Variants in C3orf80 observed in about 807,000 individuals in gnomAD.
C3orf80 encodes chromosome 3 open reading frame 80, also known as uncharacterized membrane protein C3orf80.
A neutral mutation model predicts 15.8 loss-of-function variants in C3orf80; 10 were observed. The observed-to-expected ratio is 0.63, with a 90% confidence interval of 0.39 to 1.07. The LOEUF (loss-of-function observed/expected upper bound fraction) is 1.07. Ranked by LOEUF, C3orf80 falls within the 50% of genes least tolerant of loss-of-function variation. The pLI is 0.01. For synonymous variants in C3orf80, 183 were observed against 192.0 expected, an observed-to-expected ratio of 0.95 and a Z score of 0.39; for missense variants, 364 against 379.3, an observed-to-expected ratio of 0.96 and a Z score of 0.34.
chr3:160,225,678 C>G lies in C3orf80; in HGVS notation c.43C>G (p.Pro15Ala). ...CACTGCTGAGGGCCTGTCGGTGGCT[C>G]CGGCGCCGCCGCCTCTGCTGCCGCT... ...GVTAEGLSVA[P>A]APPPLLPLLL... Residue 15 changes from proline to alanine, a missense_variant, in exon 1 of 1, where the codon CCG becomes GCG. Coordinates refer to ENST00000326474, the MANE Select transcript of C3orf80 (RefSeq NM_001168214.2). This position sits in a 1 kb window ranked among gnomAD's most constrained non-coding sequence, Gnocchi z 5.6. 7.2e-7 allele frequency: 1 copy of G among 1,395,186 alleles called. No homozygotes were observed. Among genetic ancestry groups the G allele is most frequent in the Non-Finnish European group, 9.3e-7 (1 of 1,080,188 alleles). 86.4% of individuals were successfully genotyped at this position (1,395,186 alleles called of 1,614,324 possible).
Position 160,226,661 on chromosome 3 carries a change from T to C in C3orf80, c.*282T>C. The C allele has an allele frequency of 2.6e-6, 1 of 388,416 alleles. No homozygotes were observed. Among genetic ancestry groups the C allele is most frequent in the South Asian group, 8.2e-5 (1 of 12,260 alleles). The allele number at this position is 388,416 out of a possible 1,614,324, so 24.1% of individuals were successfully genotyped here. On this transcript the variant is annotated 3_prime_UTR_variant, in exon 1 of 1. Transcript: ENST00000326474. This position sits in a 1 kb window ranked among gnomAD's most constrained non-coding sequence, Gnocchi z 5.2. ...CGAAGGACGTCCCTGCCCTCTGCCT[T>C]GCCTCGTATTGTGGTTCACTAGTAA...
chr3:160,225,507 A>T lies in C3orf80; in HGVS notation c.-129A>T. ...GCCAAGTGAGGACTGCTCCGGCCGCAGGTAGCTGAGGCGCGGGAGGCGGCG... is the reference window on the plus strand; with the variant it reads ...GCCAAGTGAGGACTGCTCCGGCCGCTGGTAGCTGAGGCGCGGGAGGCGGCG... On this transcript the variant is annotated 5_prime_UTR_variant, in exon 1 of 1. Transcript: ENST00000326474. This position sits in a 1 kb window ranked among gnomAD's most constrained non-coding sequence, Gnocchi z 5.6. 1 of 891,586 alleles carries T rather than the reference A, an allele frequency of 1.1e-6. No individual in the cohort carries two copies. The highest frequency in any genetic ancestry group is 1.5e-6 in the Non-Finnish European group (1 of 678,258). The allele number at this position is 891,586 out of a possible 1,614,324, so 55.2% of individuals were successfully genotyped here.
rs751410853 is a variant in C3orf80, at chr3:160,226,232, C to G, written c.597C>G (p.Val199=). The change falls in exon 1 of 1, where the codon GTC becomes GTG. Residue 199 remains valine (V), a synonymous_variant. Transcript: ENST00000326474. This position sits in a 1 kb window ranked among gnomAD's most constrained non-coding sequence, Gnocchi z 5.2. ...TGCAGCTGCCCAGCTACGAGGAGGT[C>G]AAGTATCTGCCCACCTACGAGGAGT... ...VFLQLPSYEE[V]KYLPTYEESM... The G allele has an allele frequency of 6.5e-7, 1 of 1,531,462 alleles. No individual in the cohort carries two copies. The highest frequency in any genetic ancestry group is 1.2e-5 in the South Asian group (1 of 83,542). 94.9% of individuals were successfully genotyped at this position (1,531,462 alleles called of 1,614,324 possible).
Position 160,225,746 on chromosome 3 carries a change from C to T in C3orf80, c.111C>T (p.Gly37=). ...LALALVAPSR[G]GGGCAELACG... ...TGGCGCTGGTGGCGCCCTCGCGGGG[C>T]GGCGGGGGCTGCGCTGAGCTGGCGT... The change falls in exon 1 of 1, where the codon GGC becomes GGT. Residue 37 remains glycine (G), a synonymous_variant. Transcript: ENST00000326474. The surrounding 1 kb of genome is among the most constrained non-coding windows in gnomAD (Gnocchi z 5.6). 3 of 1,366,024 alleles carry T rather than the reference C, an allele frequency of 2.2e-6. No homozygotes were observed. Among genetic ancestry groups the T allele is most frequent in the Non-Finnish European group, 2.8e-6 (3 of 1,069,260 alleles). 84.6% of individuals were successfully genotyped at this position (1,366,024 alleles called of 1,614,324 possible).
In C3orf80 at chr3:160,225,564, G is replaced by A; in HGVS notation, c.-72G>A. ...GGACCCGAGCGGAGCGCCGGGGAGG[G>A]GCCGACGGACGCGAGGGCGGACGGA... On this transcript the variant is annotated 5_prime_UTR_variant, in exon 1 of 1. Transcript: ENST00000326474. The surrounding 1 kb of genome is among the most constrained non-coding windows in gnomAD (Gnocchi z 5.6). The A allele has an allele frequency of 1.6e-6, 2 of 1,240,880 alleles. No homozygotes were observed. Among genetic ancestry groups the A allele is most frequent in the Non-Finnish European group, 2.0e-6 (2 of 990,282 alleles). 76.9% of individuals were successfully genotyped at this position (1,240,880 alleles called of 1,614,324 possible). A position where few individuals can be genotyped will look rare whatever the true frequency, so the allele number is the denominator to read the frequency against.
Position 160,225,909 on chromosome 3 carries a change from T to C in C3orf80, c.274T>C (p.Phe92Leu). 5 of 1,474,772 alleles carry C rather than the reference T, an allele frequency of 3.4e-6. No homozygotes were observed. In the South Asian group the frequency reaches 6.3e-5, roughly 19 times the overall value. 91.4% of individuals were successfully genotyped at this position (1,474,772 alleles called of 1,614,324 possible). The change falls in exon 1 of 1, where the codon TTC becomes CTC. Residue 92 changes from phenylalanine to leucine, a missense_variant. Phe to Leu is a conservative substitution (Grantham distance 22). Transcript: ENST00000326474. The surrounding 1 kb of genome is among the most constrained non-coding windows in gnomAD (Gnocchi z 5.6). ...LSGLLILLVL[F>L]AIGYFLQRII... ...CGGGCTGCTCATCCTGCTGGTGCTC[T>C]TCGCCATCGGCTATTTCCTGCAGCG...
chr3:160,226,146 G>C lies in C3orf80; in HGVS notation c.511G>C (p.Gly171Arg), dbSNP rs1360869900. The change falls in exon 1 of 1, where the codon GGG becomes CGG. Residue 171 changes from glycine (G) to arginine (R), a missense_variant. Coordinates refer to ENST00000326474, the MANE Select transcript of C3orf80 (RefSeq NM_001168214.2). The surrounding 1 kb of genome is among the most constrained non-coding windows in gnomAD (Gnocchi z 5.2). ...CGGCGGCCGGGGCCGGGGAGGCGGC[G>C]GGCGCTCGGACCCCTCCTGCGCCTC... is the stretch of plus-strand genomic sequence containing the variant. ...GGGGRGRGGG[G>R]RSDPSCASEH... is the part of the protein sequence containing the mutation. The C allele has an allele frequency of 1.2e-5, 19 of 1,520,740 alleles. No individual in the cohort carries two copies. Among genetic ancestry groups the C allele is most frequent in the Admixed American group, 4.0e-5 (2 of 49,958 alleles). The allele number at this position is 1,520,740 out of a possible 1,614,324, so 94.2% of individuals were successfully genotyped here.
At position 160,226,657 on chromosome 3, in the gene C3orf80, G is replaced by A; in HGVS notation, c.*278G>A. ...CCTTCGAAGGACGTCCCTGCCCTCTGCCTTGCCTCGTATTGTGGTTCACTA... is the reference window on the plus strand; with the variant it reads ...CCTTCGAAGGACGTCCCTGCCCTCTACCTTGCCTCGTATTGTGGTTCACTA... On this transcript the variant is annotated 3_prime_UTR_variant, in exon 1 of 1. Coordinates refer to ENST00000326474, the MANE Select transcript of C3orf80 (RefSeq NM_001168214.2). The surrounding 1 kb of genome is among the most constrained non-coding windows in gnomAD (Gnocchi z 5.2). The A allele has an allele frequency of 2.5e-6, 1 of 400,276 alleles. No homozygotes were observed. Among genetic ancestry groups the A allele is most frequent in the Non-Finnish European group, 4.4e-6 (1 of 225,892 alleles). 24.8% of individuals were successfully genotyped at this position (400,276 alleles called of 1,614,324 possible). A position where few individuals can be genotyped will look rare whatever the true frequency, so the allele number is the denominator to read the frequency against.
Position 160,226,450 on chromosome 3 carries a change from C to T in C3orf80, c.*71C>T. Reference sequence around the variant, plus strand: ...GCAAGCAACGGCCGGGGTGCCGCCGCCAACTGCCTCAGACCTTATCTGGCA... The same window carrying T: ...GCAAGCAACGGCCGGGGTGCCGCCGTCAACTGCCTCAGACCTTATCTGGCA... On this transcript the variant is annotated 3_prime_UTR_variant, in exon 1 of 1. Transcript: ENST00000326474. This position sits in a 1 kb window ranked among gnomAD's most constrained non-coding sequence, Gnocchi z 5.2. 1.5e-6 allele frequency: 2 copies of T among 1,372,878 alleles called. No homozygotes were observed. The highest frequency in any genetic ancestry group is 1.9e-6 in the Non-Finnish European group (2 of 1,066,216). 85.0% of individuals were successfully genotyped at this position (1,372,878 alleles called of 1,614,324 possible).
In C3orf80 at chr3:160,226,127, C is replaced by T. The variant is rs1711498657; in HGVS notation, c.492C>T (p.Gly164=). Reference sequence around the variant, plus strand: ...CACTGCTGGACAGTGGCGGCGGCGGCCGGGGCCGGGGAGGCGGCGGGCGCT... The same window carrying T: ...CACTGCTGGACAGTGGCGGCGGCGGTCGGGGCCGGGGAGGCGGCGGGCGCT... ...QDSLLDSGGG[G]RGRGGGGRSD... is the part of the protein sequence containing the mutation. The change falls in exon 1 of 1, where the codon GGC becomes GGT. Residue 164 remains glycine, a synonymous_variant. Coordinates refer to ENST00000326474, the MANE Select transcript of C3orf80 (RefSeq NM_001168214.2). The surrounding 1 kb of genome is among the most constrained non-coding windows in gnomAD (Gnocchi z 5.2). 1.3e-6 allele frequency: 2 copies of T among 1,517,784 alleles called. No homozygotes were observed. Among genetic ancestry groups the T allele is most frequent in the South Asian group, 1.2e-5 (1 of 82,314 alleles). 94.0% of individuals were successfully genotyped at this position (1,517,784 alleles called of 1,614,324 possible). A position where few individuals can be genotyped will look rare whatever the true frequency, so the allele number is the denominator to read the frequency against.
At position 160,225,524 on chromosome 3, in the gene C3orf80, G is replaced by C. The variant is rs920948519; in HGVS notation, c.-112G>C. 1 of 1,057,160 alleles carries C rather than the reference G, an allele frequency of 9.5e-7. No homozygotes were observed. Among genetic ancestry groups the C allele is most frequent in the Non-Finnish European group, 1.2e-6 (1 of 827,942 alleles). The allele number at this position is 1,057,160 out of a possible 1,614,324, so 65.5% of individuals were successfully genotyped here. A position where few individuals can be genotyped will look rare whatever the true frequency, so the allele number is the denominator to read the frequency against. On this transcript the variant is annotated 5_prime_UTR_variant, in exon 1 of 1. Transcript: ENST00000326474. This position sits in a 1 kb window ranked among gnomAD's most constrained non-coding sequence, Gnocchi z 5.6. ...CCGGCCGCAGGTAGCTGAGGCGCGG[G>C]AGGCGGCGCGCGCGGGACCCGAGCG...
In C3orf80 at chr3:160,225,998, GCCTCCGGGGGGCGCCGGA is replaced by G; in HGVS notation, c.366_383del (p.Pro123_Pro128del). ...AGGCGCGCCCGGGACAGCGGCCCGGGCCTCCGGGGGGCGCCGGACCGCTGGGGGGCGCGGGGCCGCCCG... is the reference window on the plus strand; with the variant it reads ...AGGCGCGCCCGGGACAGCGGCCCGGGCCGCTGGGGGGCGCGGGGCCGCCCG... On this transcript the variant is annotated inframe_deletion, in exon 1 of 1. Transcript: ENST00000326474. The surrounding 1 kb of genome is among the most constrained non-coding windows in gnomAD (Gnocchi z 5.6). 7.6e-7 allele frequency: 1 copy of G among 1,323,578 alleles called. No individual in the cohort carries two copies. The highest frequency in any genetic ancestry group is 3.2e-5 in the East Asian group (1 of 31,360). The allele number at this position is 1,323,578 out of a possible 1,614,324, so 82.0% of individuals were successfully genotyped here. A position where few individuals can be genotyped will look rare whatever the true frequency, so the allele number is the denominator to read the frequency against.
In C3orf80 at chr3:160,225,835, C is replaced by G. The variant is rs764354073; in HGVS notation, c.200C>G (p.Pro67Arg). The G allele has an allele frequency of 1.3e-6, 2 of 1,482,254 alleles. No individual in the cohort carries two copies. Among genetic ancestry groups the G allele is most frequent in the African/African-American group, 1.5e-5 (1 of 68,624 alleles). The allele number at this position is 1,482,254 out of a possible 1,614,324, so 91.8% of individuals were successfully genotyped here. Residue 67 changes from proline (P) to arginine (R), a missense_variant, in exon 1 of 1, where the codon CCG becomes CGG. Transcript: ENST00000326474. This position sits in a 1 kb window ranked among gnomAD's most constrained non-coding sequence, Gnocchi z 5.6. The part of the protein sequence containing the change: ...NATAVRCCKL[P>R]LHAFLDNVGW... ...ACGGCGGTGCGCTGCTGCAAGCTGC[C>G]GCTGCACGCCTTCCTGGACAACGTG...
Position 160,227,237 on chromosome 3 carries a change from T to C in C3orf80, c.*858T>C, listed in dbSNP as rs967254154. 1 of 152,182 alleles carries C rather than the reference T, an allele frequency of 6.6e-6. No homozygotes were observed. The highest frequency in any genetic ancestry group is 1.5e-5 in the Non-Finnish European group (1 of 68,020). The allele number at this position is 152,182 out of a possible 1,614,324, so 9.4% of individuals were successfully genotyped here. A position where few individuals can be genotyped will look rare whatever the true frequency, so the allele number is the denominator to read the frequency against. ...TCGTCTTATCACTTTTTGTAGGCCA[T>C]TAATGGTCAGGAAATTGCCCATACT... On this transcript the variant is annotated 3_prime_UTR_variant, in exon 1 of 1. Coordinates refer to ENST00000326474, the MANE Select transcript of C3orf80 (RefSeq NM_001168214.2).
At position 160,225,960 on chromosome 3, in the gene C3orf80, T is replaced by C; in HGVS notation, c.325T>C (p.Tyr109His). ...QRIICPSPRR[Y>H]PRGQARPGQR... is the part of the protein sequence containing the mutation. ...CATCATCTGCCCCAGTCCACGCAGG[T>C]ACCCGCGCGGCCAGGCGCGCCCGGG... is the stretch of plus-strand genomic sequence containing the variant. The change falls in exon 1 of 1, where the codon TAC becomes CAC. Residue 109 changes from tyrosine to histidine, a missense_variant. Transcript: ENST00000326474. The surrounding 1 kb of genome is among the most constrained non-coding windows in gnomAD (Gnocchi z 5.6). The C allele has an allele frequency of 1.4e-6, 2 of 1,394,152 alleles. No homozygotes were observed. The highest frequency in any genetic ancestry group is 1.9e-6 in the Non-Finnish European group (2 of 1,071,592). The allele number at this position is 1,394,152 out of a possible 1,614,324, so 86.4% of individuals were successfully genotyped here. A position where few individuals can be genotyped will look rare whatever the true frequency, so the allele number is the denominator to read the frequency against.
chr3:160,227,259 T>C lies in C3orf80; in HGVS notation c.*880T>C, dbSNP rs1023571849. The C allele has an allele frequency of 6.6e-6, 1 of 152,208 alleles. No homozygotes were observed. Among genetic ancestry groups the C allele is most frequent in the African/African-American group, 2.4e-5 (1 of 41,456 alleles). 9.4% of individuals were successfully genotyped at this position (152,208 alleles called of 1,614,324 possible). A position where few individuals can be genotyped will look rare whatever the true frequency, so the allele number is the denominator to read the frequency against. ...CCATTAATGGTCAGGAAATTGCCCA[T>C]ACTCTGTCATTATTGTTTAATAAAT... On this transcript the variant is annotated 3_prime_UTR_variant, in exon 1 of 1. Transcript: ENST00000326474.
chr3:160,227,987 A>G lies in C3orf80; in HGVS notation c.*1608A>G, dbSNP rs150104661. The G allele has an allele frequency of 1.2e-3, 182 of 152,276 alleles. No individual in the cohort carries two copies. Among genetic ancestry groups the G allele is most frequent in the African/African-American group, 4.1e-3 (169 of 41,570 alleles). The allele number at this position is 152,276 out of a possible 1,614,324, so 9.4% of individuals were successfully genotyped here. On this transcript the variant is annotated 3_prime_UTR_variant, in exon 1 of 1. Transcript: ENST00000326474. ...TTGAAGAAGTCTGATGCTCCTGAAA[A>G]ATCTTAAAATATCTGACTTGTATTG...
At position 160,226,500 on chromosome 3, in the gene C3orf80, C is replaced by T. The variant is rs1711500369; in HGVS notation, c.*121C>T. The stretch of plus-strand genomic sequence containing the variant: ...ACCCTGGCCTAACTGCCCGGCACCC[C>T]GCGACTGGGTTGGGGTCACTCGTCT... On this transcript the variant is annotated 3_prime_UTR_variant, in exon 1 of 1. Transcript: ENST00000326474. The surrounding 1 kb of genome is among the most constrained non-coding windows in gnomAD (Gnocchi z 5.2). 1.9e-6 allele frequency: 2 copies of T among 1,080,044 alleles called. No individual in the cohort carries two copies. The highest frequency in any genetic ancestry group is 2.1e-5 in the South Asian group (1 of 47,758). 66.9% of individuals were successfully genotyped at this position (1,080,044 alleles called of 1,614,324 possible). A position where few individuals can be genotyped will look rare whatever the true frequency, so the allele number is the denominator to read the frequency against.
Position 160,225,936 on chromosome 3 carries a change from A to C in C3orf80, c.301A>C (p.Ile101Leu), listed in dbSNP as rs1323417172. The C allele has an allele frequency of 4.5e-5, 65 of 1,459,264 alleles. No individual in the cohort carries two copies. Among genetic ancestry groups the C allele is most frequent in the Non-Finnish European group, 5.7e-5 (63 of 1,108,006 alleles). The allele number at this position is 1,459,264 out of a possible 1,614,324, so 90.4% of individuals were successfully genotyped here. A position where few individuals can be genotyped will look rare whatever the true frequency, so the allele number is the denominator to read the frequency against. The change falls in exon 1 of 1, where the codon ATC becomes CTC. Residue 101 changes from isoleucine to leucine, a missense_variant. Physicochemically the swap from Ile to Leu is conservative, Grantham distance 5. Transcript: ENST00000326474. The surrounding 1 kb of genome is among the most constrained non-coding windows in gnomAD (Gnocchi z 5.6). ...LFAIGYFLQR[I>L]ICPSPRRYPR... ...CGCCATCGGCTATTTCCTGCAGCGC[A>C]TCATCTGCCCCAGTCCACGCAGGTA...
Sources: gnomAD v4.1 joint callset for allele counts on GRCh38, gnomAD v4.1.1 for gene constraint, Gnocchi (gnomAD v3.1) non-coding constraint, MANE v1.5 for transcripts, NCBI Gene and HGNC (gene_info 2026-07-23, HGNC 2026-07-21) for gene names.